EVI5: variants seen among roughly 807,000 people sequenced by gnomAD.
EVI5 encodes the protein ecotropic viral integration site 5 protein homolog.
Under a neutral mutation model 112.0 loss-of-function variants are expected in EVI5, and 73 were observed. That is an observed-to-expected ratio of 0.65 (90% CI 0.54 to 0.79). The LOEUF is 0.79. Among genes scored for constraint, EVI5 ranks in the 30% least tolerant of loss-of-function variants. The pLI is 0.00. For synonymous variants in EVI5, 305 were observed against 319.9 expected (o/e 0.95, Z 0.50); for missense variants, 900 against 968.8 (o/e 0.93, Z 0.94).
At chr1:92,583,574 A>C (rs1034218) in intron 18 of EVI5, among the ~76,000 whole-genome samples, 2 of 148,148 alleles carry the variant, frequency 1.3e-5, no homozygotes, top group Non-Finnish European at 3.0e-5. Flanking sequence ...TTACATAAAG[A>C]ATACAAAGAA....
chr1:92,661,877 T>A (rs1171432861), intron 13 of EVI5, among the ~76,000 whole-genome samples: 1 of 150,656 alleles, frequency 6.6e-6, no homozygotes, highest in Non-Finnish European at 1.5e-5. Context: ...TTAACACAAC[T>A]TCTTCTGCTT....
intron 13 of EVI5, among the ~76,000 whole-genome samples, chr1:92,644,111 T>G (rs1234267949): frequency 6.6e-6 from 1 of 152,188 alleles, no homozygotes; most frequent in Non-Finnish European, 1.5e-5. Context: ...GATCACTTAA[T>G]AGTGGCAAAC....
At chr1:92,612,709 CAAAAAAAAAAAAAAAGG>C (rs1652137562) in intron 16 of EVI5, among the ~76,000 whole-genome samples, 1 of 79,002 alleles carries the variant, frequency 1.3e-5, no homozygotes. Flanking sequence ...GACTCCATCT[CAAAAAAAAAAAAAAAGG>C]AAAAAAAAAA....
intron 7 of EVI5, among the ~76,000 whole-genome samples, chr1:92,695,015 G>T (rs1250090214): frequency 1.3e-5 from 2 of 152,026 alleles, no homozygotes; most frequent in East Asian, 3.9e-4. Flanking sequence ...AACAGTGTAG[G>T]CTCCAAACTG....
intron 14 of EVI5, among the ~76,000 whole-genome samples, chr1:92,627,384 C>T (rs1439226331): frequency 6.6e-6 from 1 of 152,150 alleles, no homozygotes; most frequent in Non-Finnish European, 1.5e-5. Context: ...CATATATATA[C>T]ATATATACAC....
intron 2 of EVI5, among the ~76,000 whole-genome samples, chr1:92,725,050 C>G (rs1675359636): frequency 6.6e-6 from 1 of 152,176 alleles, no homozygotes; most frequent in African/African-American, 2.4e-5. Context: ...TTCAGGTACT[C>G]AATGGCAGTG....
chr1:92,523,731 G>C (rs1266185939), intron 19 of EVI5, among the ~76,000 whole-genome samples: 3 of 152,106 alleles, frequency 2.0e-5, no homozygotes, highest in Non-Finnish European at 4.4e-5. Context: ...GAATATTAGA[G>C]ATGTTAAGAG....
chr1:92,610,997 A>C (rs1651641488), intron 16 of EVI5, among the ~76,000 whole-genome samples: 1 of 152,188 alleles, frequency 6.6e-6, no homozygotes, highest in Non-Finnish European at 1.5e-5. Context: ...ACCTAATGCT[A>C]GATGACGAGT....
chr1:92,650,124 T>C (rs1661832857), intron 13 of EVI5, among the ~76,000 whole-genome samples: 1 of 152,210 alleles, frequency 6.6e-6, no homozygotes, highest in South Asian at 2.1e-4. Context: ...GTCCTCCAAC[T>C]TTGTTCTTTT....
intron 16 of EVI5, among the ~76,000 whole-genome samples, chr1:92,621,252 T>C (rs1220517274): frequency 1.4e-4 from 21 of 152,208 alleles, no homozygotes; most frequent in Middle Eastern, 3.4e-3. Flanking sequence ...CCAAGTAAAA[T>C]TACAAAACTG....
chr1:92,646,572 A>G (rs1313739485), intron 13 of EVI5, among the ~76,000 whole-genome samples: 1 of 152,214 alleles, frequency 6.6e-6, no homozygotes, highest in South Asian at 2.1e-4. Context: ...ATTGTCCCCC[A>G]CAGGCTCAGC....
At chr1:92,771,470 T>G (rs775465207) in intron 1 of EVI5, among the ~76,000 whole-genome samples, 1 of 152,084 alleles carries the variant, frequency 6.6e-6, no homozygotes, top group Non-Finnish European at 1.5e-5. Context: ...AACAGATACA[T>G]AGGGGTCACC....
rs191157207 is a variant in EVI5, at chr1:92,511,107, T to C, written c.*2549A>G. 154 of 152,302 alleles carry C rather than the reference T, an allele frequency of 1.0e-3. 1 individual carries two copies. Among genetic ancestry groups the C allele is most frequent in the African/African-American group, 3.5e-3 (145 of 41,562 alleles). 9.4% of individuals were successfully genotyped at this position (152,302 alleles called of 1,614,324 possible). ...ATACTCATCTATCTATCTGTATATA[T>C]ATTCAGGAAACATTTAAATCAAATT... On this transcript the variant is annotated 3_prime_UTR_variant, in exon 20 of 20. Transcript: ENST00000684568.
At chr1:92,628,124 T>C (rs1040966265) in intron 14 of EVI5, among the ~76,000 whole-genome samples, 1 of 152,234 alleles carries the variant, frequency 6.6e-6, no homozygotes, top group East Asian at 1.9e-4. Flanking sequence ...TGGCCATTTG[T>C]ATATCTTCTT....
At chr1:92,662,419 A>C (rs1043661306) in intron 13 of EVI5, among the ~76,000 whole-genome samples, 1 of 152,226 alleles carries the variant, frequency 6.6e-6, no homozygotes, top group Non-Finnish European at 1.5e-5. Flanking sequence ...GATTTCTAAA[A>C]ACTTAAAAGC....
chr1:92,532,506 TTATTCTAAAATTGACCACA>T (rs1228609756), intron 19 of EVI5, among the ~76,000 whole-genome samples: 1 of 152,134 alleles, frequency 6.6e-6, no homozygotes, highest in African/African-American at 2.4e-5. Flanking sequence ...CGCATCACAC[TTATTCTAAAATTGACCACA>T]TAGTTGGAAG....
intron 13 of EVI5, among the ~76,000 whole-genome samples, chr1:92,645,713 G>A (rs543431722): frequency 6.6e-6 from 1 of 152,162 alleles, no homozygotes; most frequent in South Asian, 2.1e-4. Context: ...AATCTTAGCT[G>A]TGGGTAATAG....
At chr1:92,666,322 A>G (rs1261677486) in intron 10 of EVI5, among the ~76,000 whole-genome samples, 1 of 151,806 alleles carries the variant, frequency 6.6e-6, no homozygotes, top group Non-Finnish European at 1.5e-5. Context: ...AATGGTGGTG[A>G]TGAGCCTGGG....
At chr1:92,741,632 G>T (rs1273404816) in intron 1 of EVI5, among the ~76,000 whole-genome samples, 2 of 152,022 alleles carry the variant, frequency 1.3e-5, no homozygotes, top group Non-Finnish European at 2.9e-5. Flanking sequence ...GTTATTCTTT[G>T]TCACTGTGGA....
Sources: gnomAD v4.1 joint callset for allele counts (sites outside exome capture counted in the v4.1 genomes callset) on GRCh38, gnomAD v4.1.1 for gene constraint, MANE v1.5 for transcripts, NCBI Gene and HGNC (gene_info 2026-07-23, HGNC 2026-07-21) for gene names.